Variants in CA3 observed in about 807,000 individuals in gnomAD.
CA3 encodes the protein CA-III.
CA3 carries 30 observed loss-of-function variants against 35.7 expected under a neutral mutation model. The ratio of observed to expected loss-of-function variants is 0.84; its 90% CI spans 0.63 to 1.14. CA3 has a LOEUF of 1.14. Ranked by LOEUF, CA3 falls within the 50% of genes most tolerant of loss-of-function variation. The pLI is 0.00. For missense variants in CA3, 295 were observed against 328.5 expected (o/e 0.90, Z 0.79); for synonymous variants, 131 against 130.8 (o/e 1.00, Z -0.01).
At chr8:85,445,256 AGATTAT>A in intron 5 of CA3, 38 bp downstream of exon 5, 1 of 1,294,224 alleles carries the variant, frequency 7.7e-7, no homozygotes. Context: ...AACATAAAGC[AGATTAT>A]GCAGATTTTC....
At chr8:85,440,427 C>A (rs1311001711) in intron 2 of CA3, among the ~76,000 whole-genome samples, 1 of 152,122 alleles carries the variant, frequency 6.6e-6, no homozygotes, top group Non-Finnish European at 1.5e-5. Flanking sequence ...TGCCTTCAAG[C>A]CTTCAGTGGG....
chr8:85,446,215 A>G lies in CA3; in HGVS notation c.581A>G (p.Gln194Arg), dbSNP rs750660225. The change falls in exon 6 of 7, where the codon CAG (glutamine) becomes CGG (arginine). Residue 194 changes from glutamine to arginine, a missense_variant. Gln to Arg is a conservative substitution (Grantham distance 43, BLOSUM62 1). Transcript: ENST00000285381. ...FPACRDYWTY[Q>R]GSFTTPPCEE... ...GCATGCCGGGACTACTGGACCTACCAGGGCTCATTCACCACGCCGCCCTGC... is the reference window on the plus strand; with the variant it reads ...GCATGCCGGGACTACTGGACCTACCGGGGCTCATTCACCACGCCGCCCTGC... 7 of 1,614,012 alleles carry G rather than the reference A, an allele frequency of 4.3e-6. No individual in the cohort carries two copies.
intron 2 of CA3, chr8:85,441,837 C>T: frequency 4.1e-6 from 2 of 492,026 alleles, no homozygotes; most frequent in African/African-American, 1.9e-5. Context: ...AATGATGTTT[C>T]AATAATAATG....
Position 85,442,176 on chromosome 8 carries a change from C to T in CA3, c.336C>T (p.Val112=), listed in dbSNP as rs369617688. ...GCTCTGAGCACACCGTGGATGGAGT[C>T]AAGTATGCAGCGGAGGTAAGAGGAA... is the stretch of plus-strand genomic sequence containing the variant. ...DHGSEHTVDG[V]KYAAELHLVH... The change falls in exon 3 of 7, where the codon GTC becomes GTT. Residue 112 remains valine (V), a synonymous_variant. Coordinates refer to ENST00000285381, the MANE Select transcript of CA3 (RefSeq NM_005181.4). 3.2e-5 allele frequency: 50 copies of T among 1,581,598 alleles called. No individual in the cohort carries two copies. The African/African-American group carries it at 5.8e-4, about 18-fold the overall frequency.
In CA3 at chr8:85,448,257, C is replaced by T. The variant is rs774681551; in HGVS notation, c.*104C>T. 5.4e-5 allele frequency: 66 copies of T among 1,221,012 alleles called. No homozygotes were observed. Among genetic ancestry groups the T allele is most frequent in the Non-Finnish European group, 3.2e-5 (29 of 893,720 alleles). The allele number at this position is 1,221,012 out of a possible 1,614,324, so 75.6% of individuals were successfully genotyped here. A position where few individuals can be genotyped will look rare whatever the true frequency, so the allele number is the denominator to read the frequency against. Reference sequence around the variant, plus strand: ...TTACTCCAAGTCTATTTCATTTTTCCACACTGAGCAATGAATGTGAGAGAT... The same window carrying T: ...TTACTCCAAGTCTATTTCATTTTTCTACACTGAGCAATGAATGTGAGAGAT... On this transcript the variant is annotated 3_prime_UTR_variant, in exon 7 of 7. Coordinates refer to ENST00000285381, the MANE Select transcript of CA3 (RefSeq NM_005181.4).
intron 6 of CA3, 82 bp downstream of exon 6, chr8:85,446,379 A>G: frequency 1.4e-6 from 2 of 1,464,778 alleles, no homozygotes; most frequent in South Asian, 1.3e-5. Context: ...ATACATAGCT[A>G]CTAACTGGAT....
chr8:85,442,504 G>A (rs1040123541), intron 3 of CA3: 1 of 246,374 alleles, frequency 4.1e-6, no homozygotes, highest in Non-Finnish European at 8.1e-6. Context: ...CTTGAGCCCA[G>A]GAGTTCGAGA....
rs1358227998 is a variant in CA3, at chr8:85,446,225, C to G, written c.591C>G (p.Phe197Leu). The G allele has an allele frequency of 6.2e-7, 1 of 1,614,186 alleles. No homozygotes were observed. The highest frequency in any genetic ancestry group is 8.5e-7 in the Non-Finnish European group (1 of 1,180,010). ...CRDYWTYQGS[F>L]TTPPCEECIV... is the part of the protein sequence containing the mutation. The stretch of plus-strand genomic sequence containing the variant: ...ACTACTGGACCTACCAGGGCTCATT[C>G]ACCACGCCGCCCTGCGAGGAATGCA... Residue 197 changes from phenylalanine (F) to leucine (L), a missense_variant, in exon 6 of 7, where the codon TTC becomes TTG. Phe to Leu is a conservative substitution (Grantham distance 22). Transcript: ENST00000285381.
Position 85,442,134 on chromosome 8 carries a change from C to T in CA3, c.294C>T (p.Gly98=), listed in dbSNP as rs764347097. 8 of 1,611,874 alleles carry T rather than the reference C, an allele frequency of 5.0e-6. No individual in the cohort carries two copies. The highest frequency in any genetic ancestry group is 5.1e-6 in the Non-Finnish European group (6 of 1,177,892). ...YRLRQFHLHW[G]SSDDHGSEHT... ...TTCGCCAGTTTCATCTTCACTGGGG[C>T]TCTTCGGATGATCATGGCTCTGAGC... Residue 98 remains glycine, a synonymous_variant, in exon 3 of 7, where the codon GGC becomes GGT. Transcript: ENST00000285381.
chr8:85,439,748 AG>A lies in CA3; in HGVS notation c.76del (p.Glu26LysfsTer35), dbSNP rs746761214. The A allele has an allele frequency of 6.2e-7, 1 of 1,613,934 alleles. No homozygotes were observed. The highest frequency in any genetic ancestry group is 1.1e-5 in the South Asian group (1 of 91,078). On this transcript the variant is annotated frameshift_variant, in exon 2 of 7. Coordinates refer to ENST00000285381, the MANE Select transcript of CA3 (RefSeq NM_005181.4). LOFTEE classifies it high-confidence loss of function. ...DHWHELFPNA[K>X]GENQSPVELH... ...TGGCATGAACTTTTCCCAAATGCCA[AG>A]GGGGAAAACCAGTCGCCCGTTGAGC...
Position 85,448,806 on chromosome 8 carries a change from T to C in CA3, c.*653T>C, listed in dbSNP as rs754437685. ...TTTGATTCAGTATTTGAATTTCTTC[T>C]TCATAAATGTAGTTGAATTTATCCT... On this transcript the variant is annotated 3_prime_UTR_variant, in exon 7 of 7. Transcript: ENST00000285381. 6.6e-6 allele frequency: 1 copy of C among 152,246 alleles called. No individual in the cohort carries two copies. The highest frequency in any genetic ancestry group is 1.5e-5 in the Non-Finnish European group (1 of 68,044). The allele number at this position is 152,246 out of a possible 1,614,324, so 9.4% of individuals were successfully genotyped here.
rs1405606907 is a variant in CA3 at position 85,438,931 on chromosome 8, G to A, written c.22G>A (p.Ala8Thr). MAKEWGY[A>T]SHNGPDHWHE... ...GACCATGGCCAAGGAGTGGGGCTAC[G>A]CCAGTCACAACGGTGAGTGCAGGCA... The change falls in exon 1 of 7, where the codon GCC (alanine) becomes ACC (threonine). Residue 8 changes from alanine to threonine, a missense_variant. Coordinates refer to ENST00000285381, the MANE Select transcript of CA3 (RefSeq NM_005181.4). 9 of 1,551,124 alleles carry A rather than the reference G, an allele frequency of 5.8e-6. No individual in the cohort carries two copies. Among genetic ancestry groups the A allele is most frequent in the Non-Finnish European group, 7.8e-6 (9 of 1,146,980 alleles).
chr8:85,445,034 C>T (rs545410708), intron 4 of CA3, 122 bp from the exon 5 acceptor site: 76 of 604,850 alleles, frequency 1.3e-4, no homozygotes, highest in African/African-American at 7.3e-4. Flanking sequence ...TTGCTTAGTA[C>T]GAGATATTCT....
At chr8:85,443,646 C>T (rs1009361070) in intron 3 of CA3, among the ~76,000 whole-genome samples, 5 of 152,140 alleles carry the variant, frequency 3.3e-5, no homozygotes, top group African/African-American at 1.2e-4. Flanking sequence ...TTGACCTTTG[C>T]ACATGGGATT....
rs1230943967 is a variant in CA3 at position 85,438,977 on chromosome 8, G to A, written c.34+34G>A. On this transcript the variant is annotated intron_variant, in intron 1 of 6. Transcript: ENST00000285381. ...AGGCAGCCGCGACCCGGCCAGGAAG[G>A]GATGCCAGTCCAGGAGAGCCCTGCC... is the stretch of plus-strand genomic sequence containing the variant. 5 of 1,550,240 alleles carry A rather than the reference G, an allele frequency of 3.2e-6. No individual in the cohort carries two copies. In the South Asian group the frequency reaches 6.0e-5, roughly 18 times the overall value.
chr8:85,447,114 G>C (rs922173445), intron 6 of CA3, among the ~76,000 whole-genome samples: 4 of 151,264 alleles, frequency 2.6e-5, no homozygotes, highest in Non-Finnish European at 4.4e-5. Flanking sequence ...TAAAAGATCA[G>C]ATATAACAAC....
At chr8:85,439,096 G>T (rs1389892953) in intron 1 of CA3, among the ~76,000 whole-genome samples, 153 bp downstream of exon 1, 1 of 152,248 alleles carries the variant, frequency 6.6e-6, no homozygotes, top group Non-Finnish European at 1.5e-5. Context: ...ACTGCCAAAT[G>T]CTGCTGCTTC....
chr8:85,443,946 G>A, intron 3 of CA3, 88 bp from the exon 4 acceptor site: 1 of 938,506 alleles, frequency 1.1e-6, no homozygotes, highest in Non-Finnish European at 1.8e-6. Context: ...ACCTTAGCCT[G>A]TACAATGATT....
In CA3 at chr8:85,438,948, G is replaced by A; in HGVS notation, c.34+5G>A. 1 of 1,551,146 alleles carries A rather than the reference G, an allele frequency of 6.4e-7. No individual in the cohort carries two copies. On this transcript the variant is annotated splice_donor_5th_base_variant and intron_variant, in intron 1 of 6. Coordinates refer to ENST00000285381, the MANE Select transcript of CA3 (RefSeq NM_005181.4). ...GGGGCTACGCCAGTCACAACGGTGA[G>A]TGCAGGCAGCCGCGACCCGGCCAGG...
Sources: allele counts gnomAD v4.1 joint callset (sites outside exome capture counted in the v4.1 genomes callset), GRCh38; gene constraint gnomAD v4.1.1; transcripts MANE v1.5; gene names NCBI Gene and HGNC (gene_info 2026-07-23, HGNC 2026-07-21).